EPC2: variants seen among roughly 807,000 people sequenced by gnomAD.
EPC2 encodes enhancer of polycomb homolog 2.
Under a neutral mutation model 92.1 loss-of-function variants are expected in EPC2, and 14 were observed. That is an observed-to-expected ratio of 0.15 (90% CI 0.10 to 0.24). EPC2 has a LOEUF of 0.24. Ranked by LOEUF, EPC2 falls within the 10% of genes least tolerant of loss-of-function variation. The probability of loss-of-function intolerance (pLI) is 1.00; values close to 1 mark genes in which losing one functional copy is unlikely to be tolerated. For missense variants in EPC2, 755 were observed against 971.5 expected (o/e 0.78, Z 2.96); for synonymous variants, 340 against 334.7 (o/e 1.02, Z -0.17).
At chr2:148,764,858 TA>T in intron 6 of EPC2, 96 bp from the exon 7 acceptor site, 1 of 936,730 alleles carries the variant, frequency 1.1e-6, no homozygotes, top group Non-Finnish European at 1.4e-6. Context: ...ACCTCCTGGG[TA>T]AAAATGTATG....
intron 1 of EPC2, among the ~76,000 whole-genome samples, chr2:148,669,703 C>G (rs74889581): frequency 0.024 from 3,649 of 152,160 alleles, 50 homozygotes; most frequent in East Asian, 0.032. Context: ...CTGGAAAAAC[C>G]TCAAAATTTG....
intron 2 of EPC2, chr2:148,692,981 C>G (rs1681673021): frequency 6.6e-6 from 1 of 151,874 alleles, no homozygotes; most frequent in Admixed American, 6.6e-5. Context: ...ATTTATTCTG[C>G]CTTTCTAGTC....
intron 2 of EPC2, among the ~76,000 whole-genome samples, chr2:148,707,266 G>A (rs1484652531): frequency 6.6e-6 from 1 of 152,104 alleles, no homozygotes; most frequent in African/African-American, 2.4e-5. Flanking sequence ...ATTACATAAT[G>A]GTAAAGGGAT....
At chr2:148,716,486 TA>T (rs1302267761) in intron 2 of EPC2, among the ~76,000 whole-genome samples, 1 of 152,236 alleles carries the variant, frequency 6.6e-6, no homozygotes, top group Non-Finnish European at 1.5e-5. Context: ...GATAATCATG[TA>T]TTTTTTTGTC....
intron 1 of EPC2, among the ~76,000 whole-genome samples, chr2:148,658,831 T>C (rs965459229): frequency 6.6e-6 from 1 of 151,890 alleles, no homozygotes; most frequent in Admixed American, 6.6e-5. Context: ...ATGTATGTTA[T>C]ATAGTTTATT....
intron 3 of EPC2, among the ~76,000 whole-genome samples, chr2:148,745,429 G>A (rs1682968685): frequency 6.6e-6 from 1 of 152,102 alleles, no homozygotes; most frequent in African/African-American, 2.4e-5. Flanking sequence ...CAGTGAGTAA[G>A]ACAGATGACA....
intron 4 of EPC2, among the ~76,000 whole-genome samples, chr2:148,755,375 C>T (rs1179168702): frequency 6.6e-6 from 1 of 151,722 alleles, no homozygotes; most frequent in Non-Finnish European, 1.5e-5. Context: ...TTATCTAAAT[C>T]ATTAAAAAAA....
At chr2:148,698,767 A>G (rs1290384250) in intron 2 of EPC2, among the ~76,000 whole-genome samples, 2 of 123,814 alleles carry the variant, frequency 1.6e-5, no homozygotes, top group African/African-American at 3.0e-5. Flanking sequence ...TTAATTGTGG[A>G]AAAAAATAAT....
At chr2:148,645,504 C>G in intron 1 of EPC2, 1 of 271,328 alleles carries the variant, frequency 3.7e-6, no homozygotes, top group Non-Finnish European at 7.1e-6. Flanking sequence ...TTCCACCTCC[C>G]TCTCTCAGGC....
Position 148,662,810 on chromosome 2 carries a change from AAT to A in EPC2, c.153+17644_153+17645del, listed in dbSNP as rs982682983. Among the ~76,000 whole-genome samples the A allele has an allele frequency of 7.4e-4, 61 of 81,916 alleles. 1 individual carries two copies. Among genetic ancestry groups the A allele is most frequent in the Admixed American group, 2.0e-3 (19 of 9,444 alleles). 53.7% of individuals were successfully genotyped at this position (81,916 alleles called of 152,430 possible). A position where few individuals can be genotyped will look rare whatever the true frequency, so the allele number is the denominator to read the frequency against. ...TGTGCACATGTACCCTAAAACTTAA[AAT>A]ATAATAATAATAAAATTTTTTTAAA... On this transcript the variant is annotated intron_variant, in intron 1 of 13. Transcript: ENST00000258484.
intron 2 of EPC2, among the ~76,000 whole-genome samples, chr2:148,714,567 AGCATCTG>A (rs1442398028): frequency 4.6e-5 from 7 of 152,188 alleles, no homozygotes; most frequent in Non-Finnish European, 8.8e-5. Context: ...CAACCTTGCC[AGCATCTG>A]TTGTTTTTTG....
At chr2:148,767,640 A>G (rs182967378) in intron 7 of EPC2, among the ~76,000 whole-genome samples, 219 of 152,344 alleles carry the variant, frequency 1.4e-3, no homozygotes, top group Non-Finnish European at 2.0e-3. Context: ...AGAACAAGGA[A>G]TAGGGAGCCT....
chr2:148,645,202 CCCT>C lies in EPC2; in HGVS notation c.153+38_153+40del, dbSNP rs570986663. 1.5e-4 allele frequency: 226 copies of C among 1,481,984 alleles called. No individual in the cohort carries two copies. The East Asian group carries it at 5.5e-3, about 36-fold the overall frequency. The allele number at this position is 1,481,984 out of a possible 1,614,324, so 91.8% of individuals were successfully genotyped here. ...ACTCGAGTGTTTATTACCCCCCCTT[CCCT>C]CCTCCCCCCTCCCCTTTGTCAGTCG... is the stretch of plus-strand genomic sequence containing the variant. On this transcript the variant is annotated intron_variant, in intron 1 of 13. Coordinates refer to ENST00000258484, the MANE Select transcript of EPC2 (RefSeq NM_015630.4).
In EPC2 at chr2:148,769,255, G is replaced by A. The variant is rs200600445; in HGVS notation, c.1230+15G>A. The A allele has an allele frequency of 9.5e-6, 15 of 1,575,540 alleles. No individual in the cohort carries two copies. Among genetic ancestry groups the A allele is most frequent in the South Asian group, 2.3e-5 (2 of 87,692 alleles). ...AGTATTATGCTGTAAGAACTTTTGT[G>A]TGTGTGTGGTGTTTTTGTGAACTGG... On this transcript the variant is annotated intron_variant, in intron 8 of 13. Transcript: ENST00000258484.
chr2:148,681,828 G>A (rs866978126), intron 1 of EPC2, among the ~76,000 whole-genome samples: 8 of 152,064 alleles, frequency 5.3e-5, no homozygotes, highest in East Asian at 1.9e-4. Context: ...CTATTAACTC[G>A]TCATTTACAT....
At chr2:148,751,753 T>TC (rs1375803520) in intron 3 of EPC2, among the ~76,000 whole-genome samples, 1 of 152,104 alleles carries the variant, frequency 6.6e-6, no homozygotes, top group Non-Finnish European at 1.5e-5. Flanking sequence ...AAGTAGTTCT[T>TC]CCCCACTCAA....
chr2:148,709,251 CA>C (rs1682078165), intron 2 of EPC2, among the ~76,000 whole-genome samples: 1 of 152,132 alleles, frequency 6.6e-6, no homozygotes, highest in African/African-American at 2.4e-5. Flanking sequence ...ACAATTGCTT[CA>C]AAGAGAATAA....
At chr2:148,673,234 A>G (rs1055020344) in intron 1 of EPC2, among the ~76,000 whole-genome samples, 2 of 152,128 alleles carry the variant, frequency 1.3e-5, no homozygotes, top group Non-Finnish European at 2.9e-5. Flanking sequence ...CATTTCCTTA[A>G]TTGGATTTGG....
chr2:148,749,952 CAG>C (rs1174689681), intron 3 of EPC2, among the ~76,000 whole-genome samples: 1 of 152,000 alleles, frequency 6.6e-6, no homozygotes, highest in Non-Finnish European at 1.5e-5. Context: ...ATTAAAAGAT[CAG>C]GGGGTCATTC....
Sources: gnomAD v4.1 joint callset for allele counts (sites outside exome capture counted in the v4.1 genomes callset) on GRCh38, gnomAD v4.1.1 for gene constraint, MANE v1.5 for transcripts, NCBI Gene and HGNC (gene_info 2026-07-23, HGNC 2026-07-21) for gene names.